PEPD: variants seen among roughly 807,000 people sequenced by gnomAD.
The protein encoded by PEPD is xaa-Pro dipeptidase.
Under a neutral mutation model 60.7 loss-of-function variants are expected in PEPD, and 53 were observed. That is an observed-to-expected ratio of 0.87 (90% CI 0.70 to 1.10). PEPD has a LOEUF of 1.10. PEPD is among the 50% of genes least tolerant of loss of function. The pLI, the probability that PEPD is intolerant of heterozygous loss-of-function variation, is 0.00. For synonymous variants in PEPD, 267 were observed against 284.1 expected, an observed-to-expected ratio of 0.94 and a Z score of 0.60; for missense variants, 711 against 711.9, an observed-to-expected ratio of 1.00 and a Z score of 0.01.
At chr19:33,421,721 C>T (rs1245144065) in intron 9 of PEPD, among the ~76,000 whole-genome samples, 1 of 152,094 alleles carries the variant, frequency 6.6e-6, no homozygotes, top group Non-Finnish European at 1.5e-5. Context: ...TTTGGAACTC[C>T]TGGGCTCAAG....
chr19:33,412,670 A>G (rs915178560), intron 10 of PEPD, among the ~76,000 whole-genome samples: 2 of 152,278 alleles, frequency 1.3e-5, no homozygotes, highest in African/African-American at 4.8e-5. Context: ...GAATCATAAA[A>G]GTAGAAATAA....
At chr19:33,495,325 T>C (rs1328106295) in intron 4 of PEPD, among the ~76,000 whole-genome samples, 1 of 148,226 alleles carries the variant, frequency 6.7e-6, no homozygotes, top group Non-Finnish European at 1.5e-5. Context: ...GGCCAAATGG[T>C]GAAACCCCCA....
intron 4 of PEPD, among the ~76,000 whole-genome samples, chr19:33,500,686 C>T (rs541008504): frequency 6.6e-6 from 1 of 152,302 alleles, no homozygotes; most frequent in Non-Finnish European, 1.5e-5. Context: ...CGGCCACAAC[C>T]CAGGTCACCA....
At chr19:33,416,236 G>A (rs746968670) in intron 9 of PEPD, among the ~76,000 whole-genome samples, 68 of 152,322 alleles carry the variant, frequency 4.5e-4, no homozygotes, top group Non-Finnish European at 9.6e-4. Context: ...GGGCTATGAG[G>A]ACAGGCTAAC....
At chr19:33,390,695 G>A (rs550047400) in intron 13 of PEPD, among the ~76,000 whole-genome samples, 4 of 152,346 alleles carry the variant, frequency 2.6e-5, no homozygotes, top group Admixed American at 2.0e-4. Context: ...TCTGAGGGCC[G>A]GGGAACCTTG....
chr19:33,401,594 A>G, intron 12 of PEPD, 127 bp downstream of exon 12: 2 of 892,388 alleles, frequency 2.2e-6, no homozygotes, highest in Admixed American at 2.0e-5. Flanking sequence ...AATCTCAGGG[A>G]CTAAGCATCT....
At chr19:33,427,455 G>A (rs1969174822) in intron 9 of PEPD, among the ~76,000 whole-genome samples, 1 of 152,218 alleles carries the variant, frequency 6.6e-6, no homozygotes, top group Non-Finnish European at 1.5e-5. Context: ...ACAGAGGATG[G>A]GAGGGGCGAT....
At chr19:33,426,554 G>A (rs1274305331) in intron 9 of PEPD, among the ~76,000 whole-genome samples, 1 of 152,204 alleles carries the variant, frequency 6.6e-6, no homozygotes, top group Non-Finnish European at 1.5e-5. Flanking sequence ...TCTGCTGAGG[G>A]CTCTGGAGAA....
chr19:33,483,450 A>C (rs776479391), intron 6 of PEPD, among the ~76,000 whole-genome samples: 1 of 152,238 alleles, frequency 6.6e-6, no homozygotes, highest in South Asian at 2.1e-4. Flanking sequence ...AGAACAAGGT[A>C]GCCTAGCACA....
chr19:33,428,925 C>T (rs1481313816), intron 9 of PEPD, among the ~76,000 whole-genome samples: 2 of 152,254 alleles, frequency 1.3e-5, no homozygotes, highest in Non-Finnish European at 2.9e-5. Context: ...CACACATCCA[C>T]AGGCAGCCGA....
rs1969975658 is a variant in PEPD, at chr19:33,464,014, A to G, written c.597T>C (p.Asn199=). ...DMELEVLRYT[N]KISSEAHREV... Reference sequence around the variant, plus strand: ...CACGGTGGGCCTCGCTGGAGATTTTATTGGTATAGCGCAGAACCTCCAGCT... The same window carrying G: ...CACGGTGGGCCTCGCTGGAGATTTTGTTGGTATAGCGCAGAACCTCCAGCT... The change falls in exon 8 of 15, where the codon AAT becomes AAC. Residue 199 remains asparagine, a synonymous_variant. Coordinates refer to ENST00000244137, the MANE Select transcript of PEPD (RefSeq NM_000285.4). 1.2e-6 allele frequency: 2 copies of G among 1,612,858 alleles called. No individual in the cohort carries two copies. Among genetic ancestry groups the G allele is most frequent in the Admixed American group, 1.7e-5 (1 of 59,934 alleles).
Position 33,478,062 on chromosome 19 carries a change from G to A in PEPD, c.532C>T (p.Pro178Ser). ...CGTACTCACCACTCAACGATCTCTG[G>A]GTGAAGAATGGTATTGTTGACTTCG... ...KFEVNNTILHPEIVECRVFKT... is the reference protein window; with the variant it reads ...KFEVNNTILHSEIVECRVFKT... The change falls in exon 7 of 15, where the codon CCA becomes TCA. Residue 178 changes from proline to serine, a missense_variant. Coordinates refer to ENST00000244137, the MANE Select transcript of PEPD (RefSeq NM_000285.4). The A allele has an allele frequency of 6.2e-7, 1 of 1,611,026 alleles. No individual in the cohort carries two copies. Among genetic ancestry groups the A allele is most frequent in the Non-Finnish European group, 8.5e-7 (1 of 1,177,926 alleles).
rs1225680133 is a variant in PEPD, at chr19:33,521,768, C to T, written c.-8G>A. On this transcript the variant is annotated 5_prime_UTR_variant, in exon 1 of 15. Coordinates refer to ENST00000244137, the MANE Select transcript of PEPD (RefSeq NM_000285.4). ...CCCGGTGGCCGCCGCCATGTTCGCC[C>T]GGCACCGGCGTCACGTGAAGTGCGG... 12 of 1,569,886 alleles carry T rather than the reference C, an allele frequency of 7.6e-6. No homozygotes were observed. Among genetic ancestry groups the T allele is most frequent in the Non-Finnish European group, 1.0e-5 (12 of 1,162,488 alleles).
At position 33,433,399 on chromosome 19, in the gene PEPD, G is replaced by A. The variant is rs139830921; in HGVS notation, c.672-19756C>T. Among the ~76,000 whole-genome samples the A allele has an allele frequency of 1.3e-4, 20 of 152,338 alleles. No homozygotes were observed. In the East Asian group the frequency reaches 3.9e-3, roughly 29 times the overall value. On this transcript the variant is annotated intron_variant, in intron 9 of 14. Coordinates refer to ENST00000244137, the MANE Select transcript of PEPD (RefSeq NM_000285.4). ...GCCCTTGAGACACTCTTGGAATAATGATGCCCACTCTGTACCTCCAGGGGA... is the reference window on the plus strand; with the variant it reads ...GCCCTTGAGACACTCTTGGAATAATAATGCCCACTCTGTACCTCCAGGGGA...
chr19:33,419,530 G>C (rs796236753), intron 9 of PEPD, among the ~76,000 whole-genome samples: 10 of 152,188 alleles, frequency 6.6e-5, no homozygotes, highest in Admixed American at 5.9e-4. Context: ...ATCCGTGTTC[G>C]GGCTCGGAGT....
rs566313075 is a variant in PEPD, at chr19:33,402,075, A to G, written c.819-206T>C. On this transcript the variant is annotated intron_variant, in intron 11 of 14. Transcript: ENST00000244137. ...CAAGGAAACCCGAAGCCATCCTGGAAGACCTGTGTCTTCCAGGGAAAAAGG... is the reference window on the plus strand; with the variant it reads ...CAAGGAAACCCGAAGCCATCCTGGAGGACCTGTGTCTTCCAGGGAAAAAGG... 2.6e-5 allele frequency among the ~76,000 whole-genome samples: 4 copies of G among 152,316 alleles called. No individual in the cohort carries two copies. The East Asian group carries it at 7.7e-4, about 29-fold the overall frequency.
intron 4 of PEPD, among the ~76,000 whole-genome samples, chr19:33,495,329 A>AC (rs1055402661): frequency 2.3e-4 from 33 of 143,742 alleles, no homozygotes; most frequent in Non-Finnish European, 6.1e-5. Context: ...AAATGGTGAA[A>AC]CCCCCATCTC....
chr19:33,390,664 CACTT>C (rs1359831347), intron 13 of PEPD, among the ~76,000 whole-genome samples: 2 of 152,242 alleles, frequency 1.3e-5, no homozygotes, highest in Admixed American at 6.5e-5. Flanking sequence ...CCCCAAGCCT[CACTT>C]ACCCTCTGGG....
At position 33,409,295 on chromosome 19, in the gene PEPD, G is replaced by A. The variant is rs533569404; in HGVS notation, c.818+2377C>T. Among the ~76,000 whole-genome samples, 5 of 152,366 alleles carry A rather than the reference G, an allele frequency of 3.3e-5. No homozygotes were observed. The East Asian group carries it at 7.7e-4, about 23-fold the overall frequency. ...CTGGACTGTGGGGACCCACTGATGT[G>A]GCCTCTGCCGTGAGACTGGGTTCCC... is the stretch of plus-strand genomic sequence containing the variant. On this transcript the variant is annotated intron_variant, in intron 11 of 14. Transcript: ENST00000244137.
Sources: gnomAD v4.1 joint callset for allele counts (sites outside exome capture counted in the v4.1 genomes callset) on GRCh38, gnomAD v4.1.1 for gene constraint, MANE v1.5 for transcripts, NCBI Gene and HGNC (gene_info 2026-07-23, HGNC 2026-07-21) for gene names.